Variants in PLXDC1 observed in about 807,000 individuals in gnomAD.
PLXDC1 encodes the protein plexin domain containing 1, also known as plexin domain-containing protein 1.
In PLXDC1, 39 loss-of-function variants were observed where a neutral mutation model predicts 61.3. That is an observed-to-expected ratio of 0.64 (90% CI 0.49 to 0.83). The LOEUF is 0.83. Among genes scored for constraint, PLXDC1 ranks in the 40% least tolerant of loss-of-function variants. PLXDC1 has a pLI of 0.00. For missense variants in PLXDC1, 596 were observed against 666.5 expected (o/e 0.89, Z 1.17); for synonymous variants, 212 against 254.5 (o/e 0.83, Z 1.59).
At chr17:39,139,253 G>A (rs1029728722) in intron 2 of PLXDC1, among the ~76,000 whole-genome samples, 7 of 152,132 alleles carry the variant, frequency 4.6e-5, no homozygotes, top group African/African-American at 7.2e-5. Context: ...ATCCTCTTGC[G>A]CCCCAGTCTG....
intron 2 of PLXDC1, among the ~76,000 whole-genome samples, chr17:39,133,476 C>A (rs1490890266): frequency 6.6e-6 from 1 of 152,146 alleles, no homozygotes; most frequent in East Asian, 1.9e-4. Flanking sequence ...CTTCTACAAC[C>A]CTGTTTTTGG....
intron 1 of PLXDC1, among the ~76,000 whole-genome samples, chr17:39,150,260 A>G (rs543990707): frequency 2.1e-4 from 32 of 151,534 alleles, no homozygotes; most frequent in Admixed American, 1.8e-3. Flanking sequence ...CACCCCCAAC[A>G]TACTCTTCTT....
In PLXDC1 at chr17:39,151,378, G is replaced by T. The variant is rs989322922; in HGVS notation, c.60C>A (p.Ser20Arg). The part of the protein sequence containing the change: ...LVLREAARAL[S>R]PQPGAGHDEG... The stretch of plus-strand genomic sequence containing the variant: ...CAGTCCTACCTGCTCCGGGCTGGGG[G>T]CTCAGCGCCCGGGCAGCCTCCCTGA... Residue 20 changes from serine (S) to arginine (R), a missense_variant, in exon 1 of 14, where the codon AGC becomes AGA. Physicochemically the swap from Ser to Arg is moderately radical, Grantham distance 110 (BLOSUM62 -1). Coordinates refer to ENST00000315392, the MANE Select transcript of PLXDC1 (RefSeq NM_020405.5). This position sits in a 1 kb window ranked among gnomAD's most constrained non-coding sequence, Gnocchi z 5.2. 7.7e-7 allele frequency: 1 copy of T among 1,291,502 alleles called. No individual in the cohort carries two copies. The highest frequency in any genetic ancestry group is 9.8e-7 in the Non-Finnish European group (1 of 1,018,646). 80.0% of individuals were successfully genotyped at this position (1,291,502 alleles called of 1,614,324 possible). A position where few individuals can be genotyped will look rare whatever the true frequency, so the allele number is the denominator to read the frequency against.
At chr17:39,099,162 G>A (rs544756706) in intron 7 of PLXDC1, among the ~76,000 whole-genome samples, 39 of 152,174 alleles carry the variant, frequency 2.6e-4, no homozygotes, top group Non-Finnish European at 4.4e-4. Context: ...TCCCACCACC[G>A]AGATTTCCTC....
chr17:39,081,268 ATTC>A (rs1428248550), intron 9 of PLXDC1: 1 of 152,460 alleles, frequency 6.6e-6, no homozygotes, highest in African/African-American at 2.4e-5. Context: ...TATCCTACAT[ATTC>A]TTTCTGAGGC....
At chr17:39,106,519 C>T (rs1910594728) in intron 6 of PLXDC1, among the ~76,000 whole-genome samples, 2 of 151,874 alleles carry the variant, frequency 1.3e-5, no homozygotes, top group African/African-American at 4.8e-5. Flanking sequence ...GTGTGTCTCA[C>T]TATGTTCTCC....
chr17:39,124,908 G>A lies in PLXDC1; in HGVS notation c.255+14746C>T, dbSNP rs188549030. Among the ~76,000 whole-genome samples the A allele has an allele frequency of 2.5e-3, 378 of 152,236 alleles. 9 individuals carry two copies. The East Asian group carries it at 0.04, about 16-fold the overall frequency. Reference sequence around the variant, plus strand: ...AGCTTACTGCAACCTCCACCTCCCGGGCTCAAGTGATCCTCCCACCTCAGC... The same window carrying A: ...AGCTTACTGCAACCTCCACCTCCCGAGCTCAAGTGATCCTCCCACCTCAGC... On this transcript the variant is annotated intron_variant, in intron 2 of 13. Transcript: ENST00000315392.
rs1908813700 is a variant in PLXDC1, at chr17:39,064,250, G to A, written c.*3590C>T. ...TAGCTCTCTGCAGCCTTGAACTCCT[G>A]AGCTCAAGCAATCCTCCTGCCTCAG... is the stretch of plus-strand genomic sequence containing the variant. On this transcript the variant is annotated 3_prime_UTR_variant, in exon 14 of 14. Transcript: ENST00000315392. 6.6e-6 allele frequency: 1 copy of A among 152,164 alleles called. No homozygotes were observed. Among genetic ancestry groups the A allele is most frequent in the African/African-American group, 2.4e-5 (1 of 41,412 alleles). 9.4% of individuals were successfully genotyped at this position (152,164 alleles called of 1,614,324 possible).
At chr17:39,105,982 C>T in intron 6 of PLXDC1, 29 bp from the exon 7 acceptor site, 1 of 1,512,830 alleles carries the variant, frequency 6.6e-7, no homozygotes, top group South Asian at 1.1e-5. Context: ...ACTCCGTCCA[C>T]CTCCCAAACG....
intron 7 of PLXDC1, among the ~76,000 whole-genome samples, chr17:39,092,582 A>G (rs1909997995): frequency 1.3e-5 from 2 of 152,244 alleles, no homozygotes; most frequent in South Asian, 2.1e-4. Flanking sequence ...GAGCTGCACC[A>G]TCTCATTTCC....
chr17:39,077,666 T>C (rs1395453598), intron 11 of PLXDC1, among the ~76,000 whole-genome samples: 2 of 152,214 alleles, frequency 1.3e-5, no homozygotes, highest in African/African-American at 4.8e-5. Flanking sequence ...GAATTGTCTG[T>C]AGCCCTGATG....
chr17:39,131,062 C>T (rs550613885), intron 2 of PLXDC1, among the ~76,000 whole-genome samples: 1 of 152,166 alleles, frequency 6.6e-6, no homozygotes, highest in East Asian at 1.9e-4. Context: ...CCACCAGGAC[C>T]AAGAACCATC....
At chr17:39,070,855 G>A (rs1909087441) in intron 12 of PLXDC1, among the ~76,000 whole-genome samples, 2 of 152,224 alleles carry the variant, frequency 1.3e-5, no homozygotes, top group Admixed American at 1.3e-4. Flanking sequence ...GCACGCGCCT[G>A]TAGTCCCAGC....
intron 9 of PLXDC1, chr17:39,079,809 C>A (rs1471314408): frequency 3.0e-6 from 1 of 327,974 alleles, no homozygotes; most frequent in Non-Finnish European, 6.0e-6. Context: ...GCTAGGGGAA[C>A]CCACCAAGCC....
At chr17:39,152,287 G>C (rs544188656), upstream of PLXDC1, among the ~76,000 whole-genome samples, 23 of 151,842 alleles carry the variant, frequency 1.5e-4, no homozygotes, top group Non-Finnish European at 3.2e-4. Flanking sequence ...CCCTCCCCAC[G>C]AGTAGGTAAC....
rs200596560 is a variant in PLXDC1 at position 39,109,001 on chromosome 17, G to T, written c.400-28C>A. 2.5e-4 allele frequency: 389 copies of T among 1,565,554 alleles called. 2 individuals carry two copies. In the African/African-American group the frequency reaches 4.7e-3, roughly 19 times the overall value. On this transcript the variant is annotated intron_variant, in intron 3 of 13. Transcript: ENST00000315392. Reference sequence around the variant, plus strand: ...GCAGGGGATGGGAGAAAGTCAGCACGGGCCAAGCTGCAGGCCAGGGGCCTG... The same window carrying T: ...GCAGGGGATGGGAGAAAGTCAGCACTGGCCAAGCTGCAGGCCAGGGGCCTG...
At chr17:39,128,126 T>TATATATATGTATATATA in intron 2 of PLXDC1, among the ~76,000 whole-genome samples, 1 of 95,788 alleles carries the variant, frequency 1.0e-5, no homozygotes, top group African/African-American at 4.2e-5. Context: ...TATATATATA[T>TATATATATGTATATATA]GTGTATATAT....
At chr17:39,131,616 G>T (rs1911566896) in intron 2 of PLXDC1, 1 of 152,660 alleles carries the variant, frequency 6.6e-6, no homozygotes, top group Non-Finnish European at 1.5e-5. Context: ...GCCTCCCAAA[G>T]TGCTGGGATT....
chr17:39,152,628 G>C, upstream of PLXDC1: 19 of 1,246,694 alleles, frequency 1.5e-5, no homozygotes, highest in Non-Finnish European at 1.9e-5. Context: ...AGTGGGCTGG[G>C]GCCTAGGGAC....
Sources: gnomAD v4.1 joint callset for allele counts (sites outside exome capture counted in the v4.1 genomes callset) on GRCh38, gnomAD v4.1.1 for gene constraint, Gnocchi (gnomAD v3.1) non-coding constraint, MANE v1.5 for transcripts, NCBI Gene and HGNC (gene_info 2026-07-23, HGNC 2026-07-21) for gene names.